Variants in FBN1 observed in about 807,000 individuals in gnomAD.
FBN1 encodes the protein fibrillin 1, also known as fibrillin-1.
Under a neutral mutation model 365.1 loss-of-function variants are expected in FBN1, and 29 were observed. The ratio of observed to expected loss-of-function variants is 0.08; its 90% CI spans 0.06 to 0.11. The LOEUF is 0.11. Ranked by LOEUF, FBN1 falls within the 10% of genes least tolerant of loss-of-function variation. The probability of loss-of-function intolerance (pLI) is 1.00; values close to 1 mark genes in which losing one functional copy is unlikely to be tolerated. For synonymous variants in FBN1, 1,210 were observed against 1,270.5 expected (o/e 0.95, Z 1.01); for missense variants, 2,476 against 3,703.2 (o/e 0.67, Z 8.60).
intron 20 of FBN1, 31 bp downstream of exon 20, chr15:48,496,069 T>C: frequency 1.2e-6 from 2 of 1,613,270 alleles, no homozygotes; most frequent in South Asian, 1.1e-5. Context: ...GATAGCAAAG[T>C]ACACAGTATA....
chr15:48,468,117 C>T lies in FBN1; in HGVS notation c.4583-15G>A. ...AGAGCGGGTATCTATTTACCATATA[C>T]AAACACAAAAGCATCAGGCAGAATC... On this transcript the variant is annotated splice_polypyrimidine_tract_variant and intron_variant, in intron 37 of 65. Transcript: ENST00000316623. 3 of 1,613,974 alleles carry T rather than the reference C, an allele frequency of 1.9e-6. No homozygotes were observed. The highest frequency in any genetic ancestry group is 2.5e-6 in the Non-Finnish European group (3 of 1,179,954).
At chr15:48,545,265 A>G (rs1040458077) in intron 6 of FBN1, among the ~76,000 whole-genome samples, 6 of 152,202 alleles carry the variant, frequency 3.9e-5, no homozygotes, top group Non-Finnish European at 7.3e-5. Context: ...TATATCATAA[A>G]AGTACCTTGT....
chr15:48,628,651 G>A (rs188990977), intron 2 of FBN1, among the ~76,000 whole-genome samples: 2 of 152,240 alleles, frequency 1.3e-5, no homozygotes, highest in African/African-American at 2.4e-5. Context: ...CAACAAAGTC[G>A]CAGATAAGAA....
At chr15:48,500,850 T>C (rs1394484244) in intron 17 of FBN1, among the ~76,000 whole-genome samples, 2 of 152,236 alleles carry the variant, frequency 1.3e-5, no homozygotes, top group African/African-American at 4.8e-5. Context: ...CATATGTAGC[T>C]TGCCTGACTT....
chr15:48,599,072 C>T lies in FBN1; in HGVS notation c.442+1067G>A, dbSNP rs2044538841. Among the ~76,000 whole-genome samples the T allele has an allele frequency of 2.0e-5, 3 of 152,256 alleles. No homozygotes were observed. In the South Asian group the frequency reaches 6.2e-4, roughly 32 times the overall value. ...CCCCAGCCATGTGGAACTGTAAGTC[C>T]AATAAACCTCTTTCTTTTATAAATT... On this transcript the variant is annotated intron_variant, in intron 5 of 65. Transcript: ENST00000316623.
intron 25 of FBN1, among the ~76,000 whole-genome samples, chr15:48,488,743 C>T (rs2043531267): frequency 6.6e-6 from 1 of 152,104 alleles, no homozygotes; most frequent in African/African-American, 2.4e-5. Context: ...CTTCTAGGGC[C>T]CAGCACACTG....
chr15:48,588,230 T>G (rs1389483665), intron 6 of FBN1, among the ~76,000 whole-genome samples: 1 of 152,196 alleles, frequency 6.6e-6, no homozygotes, highest in African/African-American at 2.4e-5. Context: ...AGATAATTTT[T>G]AATACTGAGT....
intron 19 of FBN1, among the ~76,000 whole-genome samples, chr15:48,496,541 A>C (rs1183610643): frequency 6.6e-6 from 1 of 152,162 alleles, no homozygotes; most frequent in Non-Finnish European, 1.5e-5. Flanking sequence ...GTTACATTAT[A>C]TAATTAAATT....
chr15:48,425,194 C>T (rs1469808702), intron 60 of FBN1, among the ~76,000 whole-genome samples, 175 bp downstream of exon 60: 1 of 152,170 alleles, frequency 6.6e-6, no homozygotes, highest in Non-Finnish European at 1.5e-5. Context: ...ATCTCCCTGG[C>T]TTTAGCCTCC....
chr15:48,618,959 C>T (rs1005697650), intron 2 of FBN1, among the ~76,000 whole-genome samples: 2 of 152,152 alleles, frequency 1.3e-5, no homozygotes, highest in African/African-American at 4.8e-5. Flanking sequence ...TCAAGGCTCC[C>T]ACTGATTCTA....
chr15:48,638,168 G>A (rs946963311), intron 2 of FBN1, among the ~76,000 whole-genome samples: 11 of 151,892 alleles, frequency 7.2e-5, no homozygotes, highest in African/African-American at 2.4e-4. Flanking sequence ...CCAAAGCACT[G>A]GGATTACAGG....
chr15:48,433,346 T>G (rs1439531183), intron 54 of FBN1, among the ~76,000 whole-genome samples: 1 of 152,116 alleles, frequency 6.6e-6, no homozygotes. Context: ...CATTTGTCAC[T>G]CCCAACAGTT....
chr15:48,569,757 A>G (rs2044291861), intron 6 of FBN1, among the ~76,000 whole-genome samples: 1 of 152,178 alleles, frequency 6.6e-6, no homozygotes, highest in South Asian at 2.1e-4. Context: ...ATCTATAGAG[A>G]CAGAAAGTGT....
chr15:48,600,253 G>C lies in FBN1; in HGVS notation c.347-19C>G, dbSNP rs755487996. The C allele has an allele frequency of 6.2e-7, 1 of 1,600,196 alleles. No homozygotes were observed. The highest frequency in any genetic ancestry group is 1.1e-5 in the South Asian group (1 of 90,786). ...TGTTGTACTTGAAAAAAAAGAAGAA[G>C]AATTCACTTTTGCAACTTAAATGCA... On this transcript the variant is annotated intron_variant, in intron 4 of 65. Coordinates refer to ENST00000316623, the MANE Select transcript of FBN1 (RefSeq NM_000138.5).
At chr15:48,459,872 T>C (rs895553410) in intron 43 of FBN1, among the ~76,000 whole-genome samples, 2 of 152,256 alleles carry the variant, frequency 1.3e-5, no homozygotes, top group Non-Finnish European at 2.9e-5. Flanking sequence ...ACGTAAGGAT[T>C]GGTGTGAAGT....
chr15:48,549,588 C>T (rs2044124979), intron 6 of FBN1, among the ~76,000 whole-genome samples: 1 of 152,152 alleles, frequency 6.6e-6, no homozygotes, highest in Non-Finnish European at 1.5e-5. Flanking sequence ...TTACTTGCAA[C>T]CAATGCACTT....
chr15:48,490,469 CTT>C (rs1346856633), intron 24 of FBN1, among the ~76,000 whole-genome samples: 1 of 152,204 alleles, frequency 6.6e-6, no homozygotes, highest in Non-Finnish European at 1.5e-5. Context: ...CAACTGTACT[CTT>C]TATTGTTGGA....
chr15:48,435,736 A>ATT, intron 53 of FBN1, among the ~76,000 whole-genome samples: 1 of 129,730 alleles, frequency 7.7e-6, no homozygotes, highest in Non-Finnish European at 1.6e-5. Context: ...GTGTATATAT[A>ATT]TGTGTGTATA....
chr15:48,547,991 G>T (rs572694396), intron 6 of FBN1, among the ~76,000 whole-genome samples: 2 of 152,296 alleles, frequency 1.3e-5, no homozygotes, highest in East Asian at 3.9e-4. Context: ...GGGAGCTGAG[G>T]GGGTGGGAGA....
Sources: allele counts gnomAD v4.1 joint callset (sites outside exome capture counted in the v4.1 genomes callset), GRCh38; gene constraint gnomAD v4.1.1; transcripts MANE v1.5; gene names NCBI Gene and HGNC (gene_info 2026-07-23, HGNC 2026-07-21).